Variants in KCNT2 observed in about 807,000 individuals in gnomAD.
The protein encoded by KCNT2 is potassium sodium-activated channel subfamily T member 2.
In KCNT2, 67 loss-of-function variants were observed where a neutral mutation model predicts 153.8. The ratio of observed to expected loss-of-function variants is 0.44; its 90% CI spans 0.36 to 0.53. The LOEUF (loss-of-function observed/expected upper bound fraction) is 0.53, where lower values mean the gene tolerates loss of function less well. Among genes scored for constraint, KCNT2 ranks in the 20% least tolerant of loss-of-function variants. The probability of loss-of-function intolerance (pLI) is 0.00; values close to 1 mark genes in which losing one functional copy is unlikely to be tolerated. For synonymous variants in KCNT2, 500 were observed against 458.8 expected (o/e 1.09, Z -1.15); for missense variants, 975 against 1,354.8 (o/e 0.72, Z 4.40).
At chr1:196,274,132 T>A (rs1658334609) in intron 25 of KCNT2, among the ~76,000 whole-genome samples, 1 of 151,658 alleles carries the variant, frequency 6.6e-6, no homozygotes, top group African/African-American at 2.4e-5. Flanking sequence ...TATTCTGAGC[T>A]TTCATATTGG....
chr1:196,366,348 G>A (rs1162740757), intron 14 of KCNT2, among the ~76,000 whole-genome samples: 1 of 151,684 alleles, frequency 6.6e-6, no homozygotes, highest in Non-Finnish European at 1.5e-5. Context: ...TAGTAGAGAT[G>A]GGGTTTCTCC....
chr1:196,394,706 A>T (rs188792618), intron 13 of KCNT2, among the ~76,000 whole-genome samples: 1 of 151,310 alleles, frequency 6.6e-6, no homozygotes. Flanking sequence ...AGAAAAAAAA[A>T]CTCTTTTTAA....
intron 8 of KCNT2, among the ~76,000 whole-genome samples, chr1:196,457,373 A>G (rs1227359130): frequency 6.6e-6 from 1 of 151,852 alleles, no homozygotes; most frequent in African/African-American, 2.4e-5. Context: ...TATGGATAGT[A>G]AACTGAACTT....
At chr1:196,584,919 G>T (rs2148986083) in intron 1 of KCNT2, among the ~76,000 whole-genome samples, 1 of 152,140 alleles carries the variant, frequency 6.6e-6, no homozygotes, top group Admixed American at 6.6e-5. Context: ...GGTGGGGTTT[G>T]CAAAGATGAA....
At chr1:196,500,250 G>A (rs1680575497) in intron 1 of KCNT2, among the ~76,000 whole-genome samples, 1 of 103,714 alleles carries the variant, frequency 9.6e-6, no homozygotes, top group African/African-American at 3.9e-5. Flanking sequence ...GAGAAAGAAA[G>A]AAAAAGGAAG....
rs79045633 is a variant in KCNT2 at position 196,361,845 on chromosome 1, T to C, written c.1403+11295A>G. On this transcript the variant is annotated intron_variant, in intron 14 of 27. Coordinates refer to ENST00000294725, the MANE Select transcript of KCNT2 (RefSeq NM_198503.5). ...TAAAGTTCAAGTTGTATATGCCAAC[T>C]AACAATTAGCAAATTTATAGCAATC... is the stretch of plus-strand genomic sequence containing the variant. Among the ~76,000 whole-genome samples the C allele has an allele frequency of 3.7e-3, 563 of 152,254 alleles. 5 individuals carry two copies. The highest frequency in any genetic ancestry group is 0.013 in the African/African-American group (524 of 41,568).
At chr1:196,234,784 T>C (rs1352199721) in intron 27 of KCNT2, among the ~76,000 whole-genome samples, 1 of 151,458 alleles carries the variant, frequency 6.6e-6, no homozygotes, top group East Asian at 1.9e-4. Context: ...GTCTCTGACT[T>C]TGTCACTTGC....
chr1:196,424,118 T>C (rs1673444636), intron 11 of KCNT2, among the ~76,000 whole-genome samples: 1 of 152,034 alleles, frequency 6.6e-6, no homozygotes, highest in Non-Finnish European at 1.5e-5. Context: ...CTTCATTCCC[T>C]TCCCTTTTCT....
At chr1:196,299,129 A>G (rs1660945955) in intron 22 of KCNT2, among the ~76,000 whole-genome samples, 1 of 152,048 alleles carries the variant, frequency 6.6e-6, no homozygotes, top group Non-Finnish European at 1.5e-5. Flanking sequence ...AAAAGAAATA[A>G]GCCTTTGGAG....
At chr1:196,273,870 T>C (rs1444730926) in intron 25 of KCNT2, among the ~76,000 whole-genome samples, 1 of 151,612 alleles carries the variant, frequency 6.6e-6, no homozygotes, top group Non-Finnish European at 1.5e-5. Flanking sequence ...CCATACACTA[T>C]AAATGATATT....
At chr1:196,592,347 G>A (rs961658363) in intron 1 of KCNT2, among the ~76,000 whole-genome samples, 6 of 151,412 alleles carry the variant, frequency 4.0e-5, no homozygotes, top group African/African-American at 1.2e-4. Context: ...GTTTAATAGA[G>A]GCTGGGAGGA....
intron 8 of KCNT2, among the ~76,000 whole-genome samples, chr1:196,457,390 G>C (rs1676768010): frequency 1.3e-5 from 2 of 151,610 alleles, no homozygotes; most frequent in Admixed American, 1.3e-4. Flanking sequence ...ACTTAGAGCA[G>C]TTAAATGACA....
chr1:196,268,936 C>A (rs1657802781), intron 25 of KCNT2, among the ~76,000 whole-genome samples: 1 of 152,004 alleles, frequency 6.6e-6, no homozygotes, highest in Admixed American at 6.6e-5. Context: ...CTCCTCAGAA[C>A]TATATCCAGT....
chr1:196,459,403 GA>G (rs374476535), intron 8 of KCNT2, among the ~76,000 whole-genome samples: 4 of 149,534 alleles, frequency 2.7e-5, no homozygotes, highest in East Asian at 2.0e-4. Context: ...GAAATTTCAA[GA>G]AAAAAAATCA....
chr1:196,379,557 G>GTGAGAC (rs1669284378), intron 13 of KCNT2, among the ~76,000 whole-genome samples: 1 of 138,482 alleles, frequency 7.2e-6, no homozygotes, highest in South Asian at 2.4e-4. Flanking sequence ...AGGTAATACA[G>GTGAGAC]TGAGACTTTC....
At chr1:196,457,631 T>C (rs1404676491) in intron 8 of KCNT2, among the ~76,000 whole-genome samples, 1 of 151,810 alleles carries the variant, frequency 6.6e-6, no homozygotes. Context: ...GGTAAATGTA[T>C]TAAGAACAAC....
At chr1:196,401,985 A>T (rs1671451723) in intron 12 of KCNT2, among the ~76,000 whole-genome samples, 2 of 151,566 alleles carry the variant, frequency 1.3e-5, no homozygotes, top group African/African-American at 2.4e-5. Flanking sequence ...AAAATCCTGA[A>T]AGCCAGAAAA....
rs1262223752 is a variant in KCNT2, at chr1:196,362,134, C to T, written c.1403+11006G>A. On this transcript the variant is annotated intron_variant, in intron 14 of 27. Coordinates refer to ENST00000294725, the MANE Select transcript of KCNT2 (RefSeq NM_198503.5). Reference sequence around the variant, plus strand: ...CACTTTTTTTGTTTGTTTGTTCTTGCTTTCTTGCAGTCAGTGTGGTAATTA... The same window carrying T: ...CACTTTTTTTGTTTGTTTGTTCTTGTTTTCTTGCAGTCAGTGTGGTAATTA... 3.3e-5 allele frequency among the ~76,000 whole-genome samples: 5 copies of T among 152,138 alleles called. No individual in the cohort carries two copies. The East Asian group carries it at 5.8e-4, about 18-fold the overall frequency.
At chr1:196,248,284 G>A (rs1349692555) in intron 26 of KCNT2, among the ~76,000 whole-genome samples, 3 of 151,466 alleles carry the variant, frequency 2.0e-5, no homozygotes, top group Non-Finnish European at 4.4e-5. Flanking sequence ...TAGAAAAAAA[G>A]AAACAATAAA....
Sources: allele counts gnomAD v4.1 joint callset (sites outside exome capture counted in the v4.1 genomes callset), GRCh38; gene constraint gnomAD v4.1.1; transcripts MANE v1.5; gene names NCBI Gene and HGNC (gene_info 2026-07-23, HGNC 2026-07-21).